DLGAP1: variants seen among roughly 807,000 people sequenced by gnomAD.
DLGAP1 encodes disks large-associated protein 1.
Under a neutral mutation model 90.8 loss-of-function variants are expected in DLGAP1, and 11 were observed. That is an observed-to-expected ratio of 0.12 (90% CI 0.08 to 0.20). The LOEUF (loss-of-function observed/expected upper bound fraction) is 0.20, where lower values mean the gene tolerates loss of function less well. Ranked by LOEUF, DLGAP1 falls within the 10% of genes least tolerant of loss-of-function variation. The pLI, the probability that DLGAP1 is intolerant of heterozygous loss-of-function variation, is 1.00. For synonymous variants in DLGAP1, 558 were observed against 540.7 expected, an observed-to-expected ratio of 1.03 and a Z score of -0.44; for missense variants, 1,050 against 1,333.8, an observed-to-expected ratio of 0.79 and a Z score of 3.31.
At chr18:3,516,483 T>C (rs185849623) in intron 10 of DLGAP1, among the ~76,000 whole-genome samples, 19 of 152,326 alleles carry the variant, frequency 1.2e-4, no homozygotes, top group Non-Finnish European at 2.6e-4. Flanking sequence ...ATGGAATGTA[T>C]TTTTAACTAA....
intron 3 of DLGAP1, among the ~76,000 whole-genome samples, chr18:3,887,694 T>G (rs1371648453): frequency 6.6e-6 from 1 of 152,164 alleles, no homozygotes; most frequent in Non-Finnish European, 1.5e-5. Flanking sequence ...TAAATCCCAA[T>G]TCTACAGAGA....
At chr18:3,501,370 T>A (rs16944927) in intron 12 of DLGAP1, among the ~76,000 whole-genome samples, 2 of 152,134 alleles carry the variant, frequency 1.3e-5, no homozygotes, top group African/African-American at 4.8e-5. Flanking sequence ...TAAAGAAAAC[T>A]AGATTGGGTA....
rs892290141 is a variant in DLGAP1 at position 3,667,275 on chromosome 18, T to C, written c.1591+61860A>G. Among the ~76,000 whole-genome samples the C allele has an allele frequency of 2.0e-4, 31 of 151,992 alleles. 1 individual carries two copies. Among genetic ancestry groups the C allele is most frequent in the African/African-American group, 7.0e-4 (29 of 41,370 alleles). ...TGTACTTTTAGTAGAGGCGGGGTTTTACCATGTTGGCCAGGCTGGTCTCAA... is the reference window on the plus strand; with the variant it reads ...TGTACTTTTAGTAGAGGCGGGGTTTCACCATGTTGGCCAGGCTGGTCTCAA... On this transcript the variant is annotated intron_variant, in intron 7 of 12. Transcript: ENST00000315677.
intron 2 of DLGAP1, among the ~76,000 whole-genome samples, chr18:4,094,902 A>AT (rs1008605760): frequency 1.3e-5 from 2 of 152,020 alleles, no homozygotes; most frequent in African/African-American, 4.8e-5. Flanking sequence ...CTGGTTGCCT[A>AT]TTTTTTCTTG....
chr18:3,980,553 A>T (rs967165416), intron 3 of DLGAP1, among the ~76,000 whole-genome samples: 2 of 152,210 alleles, frequency 1.3e-5, no homozygotes, highest in Non-Finnish European at 2.9e-5. Flanking sequence ...TCCTAGCTGA[A>T]TACCAGAGCT....
chr18:4,164,554 C>G (rs965462280), intron 1 of DLGAP1, among the ~76,000 whole-genome samples: 3 of 152,070 alleles, frequency 2.0e-5, no homozygotes, highest in Non-Finnish European at 4.4e-5. Context: ...GTCATGGGCG[C>G]CTGTAATCCC....
intron 2 of DLGAP1, among the ~76,000 whole-genome samples, chr18:4,023,449 G>C (rs898354859): frequency 6.6e-6 from 1 of 152,150 alleles, no homozygotes; most frequent in Non-Finnish European, 1.5e-5. Flanking sequence ...AATCACAGCT[G>C]TGTTTTCCCT....
At chr18:3,522,575 T>C (rs67876774) in intron 10 of DLGAP1, among the ~76,000 whole-genome samples, 70,514 of 137,930 alleles carry the variant, frequency 0.51, 19,363 homozygotes, top group African/African-American at 0.72. Context: ...GGAGACCTCA[T>C]TCTGTCGCCC....
At chr18:4,174,417 C>CT (rs1272092578) in intron 1 of DLGAP1, among the ~76,000 whole-genome samples, 1 of 152,080 alleles carries the variant, frequency 6.6e-6, no homozygotes, top group East Asian at 1.9e-4. Flanking sequence ...TCACTGCAAC[C>CT]TCCGCCCCCC....
At chr18:4,371,453 C>T (rs894314270) in intron 1 of DLGAP1, among the ~76,000 whole-genome samples, 21 of 152,292 alleles carry the variant, frequency 1.4e-4, no homozygotes, top group African/African-American at 3.8e-4. Context: ...GCATCACATG[C>T]GTTTGTGATT....
intron 2 of DLGAP1, among the ~76,000 whole-genome samples, chr18:4,037,367 G>T (rs1010664134): frequency 1.3e-5 from 2 of 152,072 alleles, no homozygotes; most frequent in Non-Finnish European, 2.9e-5. Context: ...TTCAATTCAT[G>T]CACATAACCA....
chr18:4,084,949 G>A lies in DLGAP1; in HGVS notation c.-159+66231C>T, dbSNP rs1437457702. ...CTAAATCAAAGAGAGCATGCTGCAA[G>A]GAGCAGGCATCGTCCAGGATGGTTA... On this transcript the variant is annotated intron_variant, in intron 2 of 12. Transcript: ENST00000315677. The surrounding 1 kb of genome is among the most constrained non-coding windows in gnomAD (Gnocchi z 4.0). Among the ~76,000 whole-genome samples the A allele has an allele frequency of 1.0e-5, 1 of 96,438 alleles. No individual in the cohort carries two copies. The highest frequency in any genetic ancestry group is 2.2e-4 in the East Asian group (1 of 4,500). The allele number at this position is 96,438 out of a possible 152,430, so 63.3% of individuals were successfully genotyped here.
intron 1 of DLGAP1, among the ~76,000 whole-genome samples, chr18:4,248,955 T>C (rs1338531637): frequency 6.6e-6 from 1 of 152,216 alleles, no homozygotes; most frequent in Non-Finnish European, 1.5e-5. Context: ...CTCCCGCCCA[T>C]GTATGTGCTG....
intron 8 of DLGAP1, among the ~76,000 whole-genome samples, chr18:3,581,651 ATCT>A (rs1296406076): frequency 7.4e-6 from 1 of 134,400 alleles, no homozygotes; most frequent in African/African-American, 2.7e-5. Flanking sequence ...AAATAAAAAA[ATCT>A]TCTCACCATG....
At chr18:3,515,829 C>T (rs933432617) in intron 10 of DLGAP1, among the ~76,000 whole-genome samples, 4 of 149,998 alleles carry the variant, frequency 2.7e-5, no homozygotes, top group Admixed American at 6.6e-5. Context: ...AAGCTTACCA[C>T]TATATTATCA....
At chr18:3,618,557 T>A (rs1274517422) in intron 7 of DLGAP1, among the ~76,000 whole-genome samples, 2 of 142,936 alleles carry the variant, frequency 1.4e-5, no homozygotes, top group Non-Finnish European at 3.1e-5. Flanking sequence ...AATGTTGCTA[T>A]TTGCTTACAC....
At chr18:4,262,938 A>G (rs1179113509) in intron 1 of DLGAP1, among the ~76,000 whole-genome samples, 2 of 151,698 alleles carry the variant, frequency 1.3e-5, no homozygotes, top group African/African-American at 2.4e-5. Context: ...TTATTATTTT[A>G]TTATTTTTTT....
intron 1 of DLGAP1, among the ~76,000 whole-genome samples, chr18:4,267,122 T>C (rs2079147848): frequency 6.6e-6 from 1 of 152,202 alleles, no homozygotes; most frequent in Admixed American, 6.5e-5. Context: ...GACAATAGCT[T>C]ATCACAAACA....
At chr18:3,901,791 T>C (rs947848322) in intron 3 of DLGAP1, among the ~76,000 whole-genome samples, 2 of 152,222 alleles carry the variant, frequency 1.3e-5, no homozygotes, top group African/African-American at 4.8e-5. Context: ...AATCCATACA[T>C]ATGGAGTGGC....
Sources: allele counts gnomAD v4.1 joint callset (sites outside exome capture counted in the v4.1 genomes callset), GRCh38; gene constraint gnomAD v4.1.1; non-coding constraint Gnocchi (gnomAD v3.1); transcripts MANE v1.5; gene names NCBI Gene and HGNC (gene_info 2026-07-23, HGNC 2026-07-21).